Variants in EPHB1 observed in about 807,000 individuals in gnomAD.
EPHB1 encodes ephrin type-B receptor 1.
A neutral mutation model predicts 94.4 loss-of-function variants in EPHB1; 30 were observed. The ratio of observed to expected loss-of-function variants is 0.32; its 90% confidence interval spans 0.24 to 0.43. The LOEUF is 0.43. Ranked by LOEUF, EPHB1 falls within the 20% of genes least tolerant of loss-of-function variation. The pLI is 1.00. For synonymous variants in EPHB1, 522 were observed against 489.1 expected (o/e 1.07, Z -0.89); for missense variants, 1,055 against 1,308.3 (o/e 0.81, Z 2.99).
intron 1 of EPHB1, among the ~76,000 whole-genome samples, chr3:134,850,919 C>A (rs756094188): frequency 1.3e-5 from 2 of 152,234 alleles, no homozygotes; most frequent in Non-Finnish European, 2.9e-5. Context: ...CATCTGCTTC[C>A]CCATGGGGGC....
chr3:134,971,388 C>T (rs191022950), intron 3 of EPHB1, among the ~76,000 whole-genome samples: 2 of 152,248 alleles, frequency 1.3e-5, no homozygotes, highest in Admixed American at 6.5e-5. Context: ...CAGGTAGAGT[C>T]GATGCGTGAC....
chr3:135,240,155 A>G (rs1943746864), intron 12 of EPHB1, among the ~76,000 whole-genome samples: 1 of 151,806 alleles, frequency 6.6e-6, no homozygotes, highest in African/African-American at 2.4e-5. Context: ...ACCTTCCCTC[A>G]CTTTTCAATG....
At chr3:135,252,623 C>A (rs1162883970) in intron 15 of EPHB1, among the ~76,000 whole-genome samples, 2 of 144,696 alleles carry the variant, frequency 1.4e-5, no homozygotes, top group African/African-American at 5.0e-5. Flanking sequence ...CATTGTTGGA[C>A]ATGTGGGTTG....
At chr3:134,819,207 C>T (rs2036333366) in intron 1 of EPHB1, among the ~76,000 whole-genome samples, 1 of 152,174 alleles carries the variant, frequency 6.6e-6, no homozygotes, top group Admixed American at 6.5e-5. Context: ...AAACACACCT[C>T]TGTCTAATCA....
At chr3:135,221,836 A>T (rs1295833330) in intron 12 of EPHB1, among the ~76,000 whole-genome samples, 2 of 152,248 alleles carry the variant, frequency 1.3e-5, no homozygotes, top group Non-Finnish European at 2.9e-5. Context: ...GTAACAAAAT[A>T]AAAAATATTA....
chr3:135,037,117 G>A (rs1219476551), intron 3 of EPHB1, among the ~76,000 whole-genome samples: 1 of 152,178 alleles, frequency 6.6e-6, no homozygotes, highest in Non-Finnish European at 1.5e-5. Flanking sequence ...GAGAGAATTA[G>A]CACATGCTGA....
At position 135,043,346 on chromosome 3, in the gene EPHB1, TTCTA is replaced by T. The variant is rs1217546630; in HGVS notation, c.806-63098_806-63095del. 2.0e-4 allele frequency among the ~76,000 whole-genome samples: 31 copies of T among 152,236 alleles called. 1 individual carries two copies. Among genetic ancestry groups the T allele is most frequent in the Admixed American group, 1.6e-3 (24 of 15,286 alleles). On this transcript the variant is annotated intron_variant, in intron 3 of 15. Coordinates refer to ENST00000398015, the MANE Select transcript of EPHB1 (RefSeq NM_004441.5). ...CAGTTTGGTACTTTTCTCTGTAATC[TTCTA>T]TCTGTTAGAAAGCCAGGTTCAGGCT...
chr3:135,124,865 A>G (rs902539706), intron 4 of EPHB1, among the ~76,000 whole-genome samples: 2 of 151,562 alleles, frequency 1.3e-5, no homozygotes, highest in African/African-American at 4.9e-5. Context: ...CACTTTGAGG[A>G]CAGGAGCCTC....
intron 4 of EPHB1, among the ~76,000 whole-genome samples, chr3:135,119,560 C>G (rs1939863741): frequency 6.6e-6 from 1 of 152,136 alleles, no homozygotes; most frequent in African/African-American, 2.4e-5. Context: ...TCAAGCAATT[C>G]TCCCACCTCA....
chr3:135,166,445 C>T (rs1941655147), intron 8 of EPHB1, among the ~76,000 whole-genome samples: 3 of 152,170 alleles, frequency 2.0e-5, no homozygotes, highest in Admixed American at 2.0e-4. Context: ...TCTCAGCAGC[C>T]AGCAAGAGGG....
At chr3:135,237,461 G>A (rs6782829) in intron 12 of EPHB1, among the ~76,000 whole-genome samples, 6,405 of 152,168 alleles carry the variant, frequency 0.042, 193 homozygotes, top group Middle Eastern at 0.11. Flanking sequence ...GTCTTGAAGG[G>A]AACTCAGACC....
intron 10 of EPHB1, among the ~76,000 whole-genome samples, chr3:135,192,213 A>G (rs1420328824): frequency 2.8e-5 from 3 of 108,300 alleles, no homozygotes; most frequent in Non-Finnish European, 5.7e-5. Context: ...AGTATCTGCT[A>G]AAAATGAATC....
At chr3:135,193,940 T>G (rs1942529858) in intron 11 of EPHB1, among the ~76,000 whole-genome samples, 1 of 152,208 alleles carries the variant, frequency 6.6e-6, no homozygotes, top group African/African-American at 2.4e-5. Context: ...TTGCAGTAGC[T>G]CAAGGGCTGA....
chr3:135,096,027 G>A (rs998531894), intron 3 of EPHB1, among the ~76,000 whole-genome samples: 8 of 152,156 alleles, frequency 5.3e-5, no homozygotes, highest in African/African-American at 1.9e-4. Flanking sequence ...GAACATCTTT[G>A]TGTTTTTCCT....
At chr3:134,796,637 C>T (rs2035833611) in intron 1 of EPHB1, among the ~76,000 whole-genome samples, 1 of 152,240 alleles carries the variant, frequency 6.6e-6, no homozygotes, top group African/African-American at 2.4e-5. Flanking sequence ...CCTCCCGCCC[C>T]TTCCCCCGCC....
At chr3:134,836,130 T>A (rs1413694999) in intron 1 of EPHB1, among the ~76,000 whole-genome samples, 2 of 152,202 alleles carry the variant, frequency 1.3e-5, no homozygotes, top group Non-Finnish European at 2.9e-5. Flanking sequence ...CCATGGGGCA[T>A]CTGGCTGGGC....
chr3:135,062,678 T>C (rs1273448019), intron 3 of EPHB1, among the ~76,000 whole-genome samples: 2 of 152,250 alleles, frequency 1.3e-5, no homozygotes, highest in African/African-American at 4.8e-5. Context: ...TGTGCAAAGT[T>C]CTTTAGTTTA....
intron 15 of EPHB1, among the ~76,000 whole-genome samples, chr3:135,249,884 G>A (rs958385995): frequency 6.6e-6 from 1 of 152,300 alleles, no homozygotes; most frequent in South Asian, 2.1e-4. Flanking sequence ...GATATGTGGG[G>A]AGCTTGTCCT....
intron 12 of EPHB1, among the ~76,000 whole-genome samples, chr3:135,226,645 A>G (rs918187039): frequency 1.6e-4 from 25 of 152,010 alleles, no homozygotes; most frequent in Non-Finnish European, 1.5e-5. Flanking sequence ...GGCCTTCAAA[A>G]CCTTCTACTT....
Sources: gnomAD v4.1 joint callset for allele counts (sites outside exome capture counted in the v4.1 genomes callset) on GRCh38, gnomAD v4.1.1 for gene constraint, MANE v1.5 for transcripts, NCBI Gene and HGNC (gene_info 2026-07-23, HGNC 2026-07-21) for gene names.